DIP2C: variants seen among roughly 807,000 people sequenced by gnomAD.
DIP2C encodes disco-interacting protein 2 homolog C.
Under a neutral mutation model 192.4 loss-of-function variants are expected in DIP2C, and 33 were observed. That is an observed-to-expected ratio of 0.17 (90% confidence interval 0.13 to 0.23). The LOEUF (loss-of-function observed/expected upper bound fraction) is 0.23, where lower values mean the gene tolerates loss of function less well. Ranked by LOEUF, DIP2C falls within the 10% of genes least tolerant of loss-of-function variation. The probability of loss-of-function intolerance (pLI) is 1.00; values close to 1 mark genes in which losing one functional copy is unlikely to be tolerated. For synonymous variants in DIP2C, 979 were observed against 864.1 expected, an observed-to-expected ratio of 1.13 and a Z score of -2.33; for missense variants, 1,537 against 2,110.1, an observed-to-expected ratio of 0.73 and a Z score of 5.32.
intron 22 of DIP2C, among the ~76,000 whole-genome samples, chr10:360,219 C>G (rs1959283156): frequency 6.6e-6 from 1 of 152,134 alleles, no homozygotes; most frequent in Admixed American, 6.5e-5. Flanking sequence ...GCCTGTTTTC[C>G]CGACTGCTCC....
chr10:423,528 T>C (rs1310053239), intron 4 of DIP2C, among the ~76,000 whole-genome samples: 3 of 152,248 alleles, frequency 2.0e-5, no homozygotes, highest in African/African-American at 7.2e-5. Flanking sequence ...TGTCGGTGTG[T>C]GTGTTAGACA....
chr10:441,979 T>C (rs898796722), intron 3 of DIP2C, among the ~76,000 whole-genome samples: 8 of 148,316 alleles, frequency 5.4e-5, no homozygotes, highest in African/African-American at 2.0e-4. Context: ...ACAGACGCTG[T>C]GGCAACTCCA....
At position 462,552 on chromosome 10, in the gene DIP2C, A is replaced by G. The variant is rs190799095; in HGVS notation, c.268+9887T>C. 1.6e-4 allele frequency among the ~76,000 whole-genome samples: 24 copies of G among 152,344 alleles called. No individual in the cohort carries two copies. In the East Asian group the frequency reaches 4.4e-3, roughly 28 times the overall value. On this transcript the variant is annotated intron_variant, in intron 3 of 36. Transcript: ENST00000280886. ...AATTAATAGCCTACCAACCAAAAAAAGTCCAGGACCAGACGAATTCACAGC... is the reference window on the plus strand; with the variant it reads ...AATTAATAGCCTACCAACCAAAAAAGGTCCAGGACCAGACGAATTCACAGC...
At chr10:297,877 T>C (rs1311464861) in intron 32 of DIP2C, among the ~76,000 whole-genome samples, 1 of 152,228 alleles carries the variant, frequency 6.6e-6, no homozygotes, top group Non-Finnish European at 1.5e-5. Context: ...ACATGTTATA[T>C]GTATTGAAAC....
At chr10:435,998 T>C (rs1564709405) in intron 4 of DIP2C, among the ~76,000 whole-genome samples, 1 of 152,158 alleles carries the variant, frequency 6.6e-6, no homozygotes, top group African/African-American at 2.4e-5. Flanking sequence ...CAATTAATTT[T>C]ATTAATATAC....
At chr10:602,765 T>C (rs918516710) in intron 1 of DIP2C, among the ~76,000 whole-genome samples, 4 of 152,202 alleles carry the variant, frequency 2.6e-5, no homozygotes, top group East Asian at 1.9e-4. Flanking sequence ...CCCTGGAGAA[T>C]GGAAACGGGG....
At chr10:548,208 A>ACCG (rs770252075) in intron 1 of DIP2C, among the ~76,000 whole-genome samples, 14 of 58,258 alleles carry the variant, frequency 2.4e-4, no homozygotes, top group Non-Finnish European at 7.1e-5. Context: ...AGTCTGCCCC[A>ACCG]CCCCCCCCCC....
Position 674,789 on chromosome 10 carries a change from T to TATATATATATATATATAG in DIP2C, c.85+14704_85+14705insCTATATATATATATATAT. On this transcript the variant is annotated intron_variant, in intron 1 of 36. Transcript: ENST00000280886. Reference sequence around the variant, plus strand: ...CATCTCAAATATATATATATATATATAGAGAGAGAGAGAGAGAGAGAGAGA... The same window carrying TATATATATATATATATAG: ...CATCTCAAATATATATATATATATATATATATATATATATATAGAGAGAGAGAGAGAGAGAGAGAGAGA... Among the ~76,000 whole-genome samples the TATATATATATATATATAG allele has an allele frequency of 2.6e-3, 163 of 62,460 alleles. 1 individual carries two copies. Among genetic ancestry groups the TATATATATATATATATAG allele is most frequent in the African/African-American group, 3.3e-3 (36 of 11,058 alleles). 41.0% of individuals were successfully genotyped at this position (62,460 alleles called of 152,430 possible). A position where few individuals can be genotyped will look rare whatever the true frequency, so the allele number is the denominator to read the frequency against.
At chr10:388,209 AG>A (rs1360863687) in intron 13 of DIP2C, among the ~76,000 whole-genome samples, 4 of 152,098 alleles carry the variant, frequency 2.6e-5, no homozygotes, top group African/African-American at 9.7e-5. Context: ...TTGGCAACAC[AG>A]GGGCCTACAC....
chr10:342,156 TC>T (rs1322777981), intron 28 of DIP2C, among the ~76,000 whole-genome samples: 198 of 151,230 alleles, frequency 1.3e-3, no homozygotes, highest in African/African-American at 4.6e-3. Context: ...TGTAACCCAC[TC>T]TCTCTCTTTT....
intron 1 of DIP2C, among the ~76,000 whole-genome samples, chr10:574,056 G>A (rs947796573): frequency 2.0e-5 from 3 of 152,194 alleles, no homozygotes; most frequent in Non-Finnish European, 4.4e-5. Flanking sequence ...GGGAGTTGAA[G>A]AAAACTGCAT....
At chr10:282,785 A>G (rs1954903162) in intron 35 of DIP2C, among the ~76,000 whole-genome samples, 1 of 152,274 alleles carries the variant, frequency 6.6e-6, no homozygotes, top group Non-Finnish European at 1.5e-5. Flanking sequence ...GCATGGGCAG[A>G]GACAGCTGGC....
At chr10:597,341 C>A (rs181770396) in intron 1 of DIP2C, among the ~76,000 whole-genome samples, 1 of 152,124 alleles carries the variant, frequency 6.6e-6, no homozygotes, top group Admixed American at 6.5e-5. Flanking sequence ...AGCAAGCCTC[C>A]CCCTGGACAC....
intron 31 of DIP2C, chr10:311,686 G>T: frequency 2.7e-6 from 2 of 737,256 alleles, no homozygotes; most frequent in Non-Finnish European, 3.7e-6. Flanking sequence ...TGGAGAAGAG[G>T]GAGGGGTGGG....
chr10:390,446 G>T (rs928277160), intron 11 of DIP2C, 73 bp from the exon 12 acceptor site: 1 of 1,409,456 alleles, frequency 7.1e-7, no homozygotes, highest in Non-Finnish European at 1.0e-6. Flanking sequence ...CCCCATTTAT[G>T]TGGTACCCTT....
At chr10:467,148 G>A (rs144714637) in intron 3 of DIP2C, among the ~76,000 whole-genome samples, 1 of 152,032 alleles carries the variant, frequency 6.6e-6, no homozygotes, top group Non-Finnish European at 1.5e-5. Context: ...GTCCAACAAT[G>A]ATAGACTGGA....
At chr10:423,511 AT>A (rs1249548837) in intron 4 of DIP2C, among the ~76,000 whole-genome samples, 4 of 151,684 alleles carry the variant, frequency 2.6e-5, no homozygotes, top group Non-Finnish European at 4.4e-5. Flanking sequence ...CATGCAGCTG[AT>A]TTCTATGTCG....
intron 1 of DIP2C, among the ~76,000 whole-genome samples, chr10:586,671 A>G (rs965756078): frequency 1.3e-5 from 2 of 152,222 alleles, no homozygotes; most frequent in African/African-American, 4.8e-5. Flanking sequence ...TTTCACTGGG[A>G]AAAACACCAT....
At chr10:600,193 G>A (rs1411898466) in intron 1 of DIP2C, among the ~76,000 whole-genome samples, 2 of 152,112 alleles carry the variant, frequency 1.3e-5, no homozygotes, top group Non-Finnish European at 2.9e-5. Context: ...GGTTACGACC[G>A]GCAGAGCCAC....
Sources: gnomAD v4.1 joint callset for allele counts (sites outside exome capture counted in the v4.1 genomes callset) on GRCh38, gnomAD v4.1.1 for gene constraint, MANE v1.5 for transcripts, NCBI Gene and HGNC (gene_info 2026-07-23, HGNC 2026-07-21) for gene names.